Variants in ADAMTS17 observed in about 807,000 individuals in gnomAD.
ADAMTS17 encodes the protein A disintegrin and metalloproteinase with thrombospondin motifs 17.
Under a neutral mutation model 141.5 loss-of-function variants are expected in ADAMTS17, and 113 were observed. The observed-to-expected ratio is 0.80, with a 90% CI of 0.69 to 0.93. The LOEUF (loss-of-function observed/expected upper bound fraction) is 0.93, where lower values mean the gene tolerates loss of function less well. ADAMTS17 is among the 40% of genes least tolerant of loss of function. The pLI, the probability that ADAMTS17 is intolerant of heterozygous loss-of-function variation, is 0.00. For missense variants in ADAMTS17, 1,659 were observed against 1,517.9 expected (o/e 1.09, Z -1.54); for synonymous variants, 768 against 630.6 (o/e 1.22, Z -3.27).
chr15:100,339,244 C>T (rs2046293802), intron 2 of ADAMTS17: 2 of 807,956 alleles, frequency 2.5e-6, no homozygotes, highest in Admixed American at 6.2e-5. Flanking sequence ...TGACAGGGCC[C>T]AGCCCTCATT....
intron 20 of ADAMTS17, among the ~76,000 whole-genome samples, chr15:99,984,976 T>C (rs539270877): frequency 1.3e-5 from 2 of 152,362 alleles, no homozygotes; most frequent in African/African-American, 4.8e-5. Context: ...CACTGGCCTT[T>C]GGACCATTCG....
intron 12 of ADAMTS17, among the ~76,000 whole-genome samples, chr15:100,129,990 A>G (rs550243736): frequency 6.6e-6 from 1 of 152,306 alleles, no homozygotes; most frequent in South Asian, 2.1e-4. Flanking sequence ...AGTAATGCAA[A>G]AACTGCAACC....
intron 2 of ADAMTS17, 60 bp downstream of exon 2, chr15:100,340,979 G>A: frequency 6.8e-7 from 1 of 1,461,392 alleles, no homozygotes; most frequent in Middle Eastern, 2.4e-4. Flanking sequence ...ACCCTCCACG[G>A]CGACCACTCT....
At chr15:100,244,718 G>C (rs1002611466) in intron 7 of ADAMTS17, among the ~76,000 whole-genome samples, 1 of 152,054 alleles carries the variant, frequency 6.6e-6, no homozygotes, top group African/African-American at 2.4e-5. Flanking sequence ...CTCAGCCTGC[G>C]ATTTCCTCGG....
chr15:100,220,854 T>C (rs2042111597), intron 7 of ADAMTS17, among the ~76,000 whole-genome samples: 1 of 152,230 alleles, frequency 6.6e-6, no homozygotes, highest in African/African-American at 2.4e-5. Context: ...TAGTACTTCT[T>C]ATTGCCAAAT....
chr15:100,157,477 G>T (rs760488184), intron 8 of ADAMTS17, among the ~76,000 whole-genome samples: 1 of 151,974 alleles, frequency 6.6e-6, no homozygotes, highest in Non-Finnish European at 1.5e-5. Context: ...TTCTGAAAAG[G>T]GAGTGTCTGC....
intron 7 of ADAMTS17, among the ~76,000 whole-genome samples, chr15:100,232,370 C>T (rs2042510609): frequency 6.6e-6 from 1 of 152,236 alleles, no homozygotes; most frequent in Admixed American, 6.5e-5. Flanking sequence ...AGGTTCAAGT[C>T]CCGGGTATCG....
At chr15:100,199,451 C>T (rs2041238407) in intron 7 of ADAMTS17, 28 bp from the exon 8 acceptor site, 1 of 1,599,846 alleles carries the variant, frequency 6.3e-7, no homozygotes, top group African/African-American at 1.3e-5. Flanking sequence ...AACACATCCT[C>T]TTCAGAACGT....
Position 100,259,782 on chromosome 15 carries a change from A to G in ADAMTS17, c.1031+1697T>C, listed in dbSNP as rs559436035. ...AGGGCTGGCAATCGACGAACCATCC[A>G]CAAGAGTGAGCAGGCATCCATTTGG... On this transcript the variant is annotated intron_variant, in intron 6 of 21. Transcript: ENST00000268070. Among the ~76,000 whole-genome samples, 15 of 152,340 alleles carry G rather than the reference A, an allele frequency of 9.8e-5. 1 individual carries two copies. The East Asian group carries it at 2.9e-3, about 29-fold the overall frequency.
At chr15:100,184,257 T>G (rs544194132) in intron 8 of ADAMTS17, among the ~76,000 whole-genome samples, 2 of 151,036 alleles carry the variant, frequency 1.3e-5, no homozygotes, top group South Asian at 4.2e-4. Flanking sequence ...TTGGGTTTTA[T>G]GTCTAAGACT....
chr15:100,158,962 A>T (rs1392287469), intron 8 of ADAMTS17, among the ~76,000 whole-genome samples: 1 of 152,238 alleles, frequency 6.6e-6, no homozygotes, highest in Non-Finnish European at 1.5e-5. Flanking sequence ...TGAAAATACA[A>T]AACATGACAA....
intron 3 of ADAMTS17, among the ~76,000 whole-genome samples, chr15:100,327,406 A>T (rs897075536): frequency 6.6e-6 from 1 of 152,104 alleles, no homozygotes; most frequent in African/African-American, 2.4e-5. Flanking sequence ...CTTCACAGAA[A>T]CCACAGCTGG....
rs1056294829 is a variant in ADAMTS17 at position 99,972,009 on chromosome 15, T to G, written c.*2393A>C. The G allele has an allele frequency of 1.1e-4, 17 of 152,164 alleles. No homozygotes were observed. The highest frequency in any genetic ancestry group is 4.1e-4 in the African/African-American group (17 of 41,424). The allele number at this position is 152,164 out of a possible 1,614,324, so 9.4% of individuals were successfully genotyped here. A position where few individuals can be genotyped will look rare whatever the true frequency, so the allele number is the denominator to read the frequency against. ...GCTCACTCCTGTAATCCCAGCACTT[T>G]GGAAGGCTGAGGCGGGTGGATCATG... On this transcript the variant is annotated 3_prime_UTR_variant, in exon 22 of 22. Transcript: ENST00000268070.
intron 10 of ADAMTS17, among the ~76,000 whole-genome samples, chr15:100,140,472 C>T (rs866766019): frequency 2.2e-5 from 2 of 89,128 alleles, no homozygotes; most frequent in African/African-American, 3.7e-5. Context: ...CACACACAGA[C>T]ACACACACAT....
intron 12 of ADAMTS17, among the ~76,000 whole-genome samples, chr15:100,122,884 G>A (rs1489578362): frequency 6.6e-6 from 1 of 152,188 alleles, no homozygotes; most frequent in Non-Finnish European, 1.5e-5. Context: ...CCATGTATAA[G>A]TGGACCTGCA....
At chr15:100,340,696 A>G (rs2046336168) in intron 2 of ADAMTS17, among the ~76,000 whole-genome samples, 1 of 152,064 alleles carries the variant, frequency 6.6e-6, no homozygotes. Flanking sequence ...TGTTCTCTAC[A>G]TTGGGGCCAA....
intron 7 of ADAMTS17, among the ~76,000 whole-genome samples, chr15:100,204,203 C>G (rs2041446590): frequency 6.6e-6 from 1 of 152,228 alleles, no homozygotes; most frequent in Non-Finnish European, 1.5e-5. Context: ...GAATAAACAA[C>G]AAACAACTGT....
At chr15:100,185,720 A>C (rs944345883) in intron 8 of ADAMTS17, among the ~76,000 whole-genome samples, 1 of 152,116 alleles carries the variant, frequency 6.6e-6, no homozygotes, top group African/African-American at 2.4e-5. Flanking sequence ...GGCATCCTCC[A>C]AAGTATCCCC....
At chr15:100,127,364 A>G (rs962933675) in intron 12 of ADAMTS17, among the ~76,000 whole-genome samples, 4 of 152,148 alleles carry the variant, frequency 2.6e-5, no homozygotes, top group Non-Finnish European at 5.9e-5. Flanking sequence ...AGTCAGAGGC[A>G]GAGATGGAGG....
Sources: allele counts gnomAD v4.1 joint callset (sites outside exome capture counted in the v4.1 genomes callset), GRCh38; gene constraint gnomAD v4.1.1; transcripts MANE v1.5; gene names NCBI Gene and HGNC (gene_info 2026-07-23, HGNC 2026-07-21).